CSNK1G1: variants seen among roughly 807,000 people sequenced by gnomAD.
CSNK1G1 encodes the protein casein kinase 1 gamma 1, also known as casein kinase I isoform gamma-1.
Under a neutral mutation model 59.6 loss-of-function variants are expected in CSNK1G1, and 22 were observed. The observed-to-expected ratio is 0.37, with a 90% CI of 0.26 to 0.53. The LOEUF is 0.53. Among genes scored for constraint, CSNK1G1 ranks in the 20% least tolerant of loss-of-function variants. CSNK1G1 has a pLI of 0.89. For synonymous variants in CSNK1G1, 179 were observed against 177.1 expected (o/e 1.01, Z -0.08); for missense variants, 384 against 519.5 (o/e 0.74, Z 2.54).
intron 7 of CSNK1G1, 100 bp downstream of exon 7, chr15:64,207,409 C>T: frequency 3.5e-6 from 3 of 846,912 alleles, no homozygotes; most frequent in Non-Finnish European, 5.7e-6. Context: ...CCGCATCTGG[C>T]CAGCCCCCTA....
intron 11 of CSNK1G1, among the ~76,000 whole-genome samples, chr15:64,177,778 G>A (rs904078482): frequency 6.6e-6 from 1 of 152,202 alleles, no homozygotes; most frequent in East Asian, 1.9e-4. Context: ...TTACCAAAAT[G>A]AGATGAGATG....
rs1318883888 is a variant in CSNK1G1, at chr15:64,166,767, A to G, written c.*5164T>C. 6.6e-6 allele frequency: 1 copy of G among 152,656 alleles called. No individual in the cohort carries two copies. The highest frequency in any genetic ancestry group is 1.5e-5 in the Non-Finnish European group (1 of 68,060). The allele number at this position is 152,656 out of a possible 1,614,324, so 9.5% of individuals were successfully genotyped here. A position where few individuals can be genotyped will look rare whatever the true frequency, so the allele number is the denominator to read the frequency against. On this transcript the variant is annotated 3_prime_UTR_variant, in exon 12 of 12. Coordinates refer to ENST00000303052, the MANE Select transcript of CSNK1G1 (RefSeq NM_022048.5). This position sits in a 1 kb window ranked among gnomAD's most constrained non-coding sequence, Gnocchi z 4.5. ...TACTGAAAGAGGGGTGGGTGGGGAC[A>G]TTCAGAACAGCTGTCCTCTTGTGGG...
At chr15:64,185,709 C>A (rs1020008716) in intron 10 of CSNK1G1, among the ~76,000 whole-genome samples, 1 of 151,536 alleles carries the variant, frequency 6.6e-6, no homozygotes, top group African/African-American at 2.4e-5. Flanking sequence ...ACTAAATATC[C>A]AAAAATTAGC....
rs78907087 is a variant in CSNK1G1, at chr15:64,204,684, A to G, written c.851-95T>C. Reference sequence around the variant, plus strand: ...TGGGCCACAAAGGGGTTATTTATACAGACAATTTGACACTGATGTTTTCTT... The same window carrying G: ...TGGGCCACAAAGGGGTTATTTATACGGACAATTTGACACTGATGTTTTCTT... On this transcript the variant is annotated intron_variant, in intron 8 of 11. Coordinates refer to ENST00000303052, the MANE Select transcript of CSNK1G1 (RefSeq NM_022048.5). 3,358 of 1,355,770 alleles carry G rather than the reference A, an allele frequency of 2.5e-3. 52 individuals carry two copies. In the African/African-American group the frequency reaches 0.043, roughly 17 times the overall value. The allele number at this position is 1,355,770 out of a possible 1,614,324, so 84.0% of individuals were successfully genotyped here.
At chr15:64,174,560 T>C in intron 11 of CSNK1G1, among the ~76,000 whole-genome samples, 1 of 152,226 alleles carries the variant, frequency 6.6e-6, no homozygotes, top group African/African-American at 2.4e-5. Context: ...AGGCAGGTGG[T>C]GGACACCTCA....
chr15:64,352,571 G>A (rs1478226785), intron 1 of CSNK1G1, among the ~76,000 whole-genome samples: 23 of 141,934 alleles, frequency 1.6e-4, no homozygotes, highest in South Asian at 4.6e-4. Context: ...TCAGCCTCCC[G>A]AGTAGCTGGG....
intron 10 of CSNK1G1, chr15:64,195,008 G>C (rs1036408490): frequency 6.6e-5 from 10 of 152,192 alleles, no homozygotes; most frequent in African/African-American, 2.2e-4. Context: ...GGAAGGATGA[G>C]AGATTACCTT....
At chr15:64,346,260 T>C (rs2140484701) in intron 1 of CSNK1G1, among the ~76,000 whole-genome samples, 1 of 150,672 alleles carries the variant, frequency 6.6e-6, no homozygotes, top group Non-Finnish European at 1.5e-5. Context: ...AAAAAACAAT[T>C]GGTCACCCAT....
chr15:64,335,817 C>G (rs185382910), intron 1 of CSNK1G1: 43 of 152,246 alleles, frequency 2.8e-4, no homozygotes, highest in African/African-American at 9.9e-4. Context: ...TCAACAAATT[C>G]TTGCTGTTGT....
chr15:64,269,737 GC>G (rs1208047749), intron 2 of CSNK1G1, among the ~76,000 whole-genome samples: 1 of 150,994 alleles, frequency 6.6e-6, no homozygotes, highest in African/African-American at 2.4e-5. Flanking sequence ...CAGGTGATCC[GC>G]CCACCTCAGC....
intron 10 of CSNK1G1, among the ~76,000 whole-genome samples, chr15:64,199,065 A>G (rs545447378): frequency 1.3e-5 from 2 of 151,032 alleles, no homozygotes; most frequent in East Asian, 3.9e-4. Context: ...AACACAGTGA[A>G]ACTGTCTCTA....
chr15:64,352,241 G>T (rs182276982), intron 1 of CSNK1G1, among the ~76,000 whole-genome samples: 2 of 151,908 alleles, frequency 1.3e-5, no homozygotes, highest in Non-Finnish European at 2.9e-5. Flanking sequence ...GGGAGGCGGA[G>T]GTTGCAGTGA....
intron 4 of CSNK1G1, among the ~76,000 whole-genome samples, chr15:64,239,414 C>A (rs2082665193): frequency 6.6e-6 from 1 of 152,120 alleles, no homozygotes; most frequent in South Asian, 2.1e-4. Context: ...CTCACTCTGT[C>A]ACTCAGGCTG....
At chr15:64,339,754 A>G (rs866944214) in intron 1 of CSNK1G1, among the ~76,000 whole-genome samples, 2 of 152,274 alleles carry the variant, frequency 1.3e-5, no homozygotes, top group South Asian at 4.1e-4. Flanking sequence ...GACAACTGTC[A>G]GAGGACAAAT....
At chr15:64,234,804 G>A (rs1596136349) in intron 4 of CSNK1G1, among the ~76,000 whole-genome samples, 1 of 152,010 alleles carries the variant, frequency 6.6e-6, no homozygotes, top group Admixed American at 6.6e-5. Flanking sequence ...GGGCCCATGT[G>A]GTTCTGTACC....
intron 10 of CSNK1G1, among the ~76,000 whole-genome samples, chr15:64,182,745 T>C (rs1052385004): frequency 1.3e-5 from 2 of 152,182 alleles, no homozygotes; most frequent in African/African-American, 4.8e-5. Flanking sequence ...AAAGCAAATA[T>C]GGCAAAATCT....
intron 11 of CSNK1G1, among the ~76,000 whole-genome samples, chr15:64,174,674 A>G (rs2081719924): frequency 6.6e-6 from 1 of 152,170 alleles, no homozygotes; most frequent in African/African-American, 2.4e-5. Context: ...TCTCAAAGCC[A>G]TCTAGTGCTC....
intron 2 of CSNK1G1, among the ~76,000 whole-genome samples, chr15:64,288,451 A>G (rs1046528448): frequency 2.6e-5 from 4 of 152,194 alleles, no homozygotes; most frequent in African/African-American, 9.6e-5. Flanking sequence ...AAAATAATTG[A>G]ACCACTTGCC....
intron 1 of CSNK1G1, among the ~76,000 whole-genome samples, chr15:64,339,374 A>G (rs1897571894): frequency 6.6e-6 from 1 of 152,152 alleles, no homozygotes; most frequent in South Asian, 2.1e-4. Flanking sequence ...GTGCAGTGGC[A>G]CAATCTCCGC....
Sources: allele counts gnomAD v4.1 joint callset (sites outside exome capture counted in the v4.1 genomes callset), GRCh38; gene constraint gnomAD v4.1.1; non-coding constraint Gnocchi (gnomAD v3.1); transcripts MANE v1.5; gene names NCBI Gene and HGNC (gene_info 2026-07-23, HGNC 2026-07-21).